The following XKRX variants were observed in gnomAD, a reference collection of about 807,000 sequenced individuals.
XKRX encodes the protein XK related X-linked.
Under a neutral mutation model 22.4 loss-of-function variants are expected in XKRX, and 11 were observed. The ratio of observed to expected loss-of-function variants is 0.49; its 90% CI spans 0.31 to 0.81. The LOEUF (loss-of-function observed/expected upper bound fraction) is 0.81, where lower values mean the gene tolerates loss of function less well. XKRX is among the 40% of genes least tolerant of loss of function. The pLI is 0.05. For missense variants in XKRX, 320 were observed against 336.5 expected (o/e 0.95, Z 0.38); for synonymous variants, 114 against 132.2 (o/e 0.86, Z 0.94).
chrX:100,957,569 C>T, the XKRX span: 43 of 883,877 alleles, frequency 4.9e-5, no homozygotes, highest in African/African-American at 9.8e-5. Context: ...CTGTGTGAAC[C>T]GCAAACCAGC....
chrX:100,958,344 T>C, the XKRX span, among the ~76,000 whole-genome samples: 1 of 112,357 alleles, frequency 8.9e-6, no homozygotes, highest in Non-Finnish European at 1.9e-5. Context: ...AACATTAGTT[T>C]ATGTGCGCCA....
intron 2 of XKRX, among the ~76,000 whole-genome samples, chrX:100,917,876 A>G (rs1190657619): frequency 9.0e-6 from 1 of 111,283 alleles, no homozygotes; most frequent in East Asian, 2.8e-4. Context: ...CTGAGTTTGC[A>G]GCAGAGTAGT....
At chrX:100,940,130 C>T in the XKRX span, among the ~76,000 whole-genome samples, 5 of 111,814 alleles carry the variant, frequency 4.5e-5, no homozygotes, top group Admixed American at 4.8e-4. Flanking sequence ...TTAATACCAA[C>T]ATTTATTGAG....
the XKRX span, among the ~76,000 whole-genome samples, chrX:100,955,663 ACT>A: frequency 9.0e-6 from 1 of 111,301 alleles, no homozygotes; most frequent in Admixed American, 9.6e-5. Flanking sequence ...ACAGAGCAAG[ACT>A]CTGTCTCAAA....
rs915033933 is a variant in XKRX at position 100,928,221 on chromosome X, G to C, written c.84C>G (p.Asn28Lys). ...TGCTAAATGGAAAAGTAAATCGGGGGTTGGCTCCACGGATGACATCTTCCT... is the reference window on the plus strand; with the variant it reads ...TGCTAAATGGAAAAGTAAATCGGGGCTTGGCTCCACGGATGACATCTTCCT... ...SLEEDVIRGA[N>K]PRFTFPFSIL... The change falls in exon 1 of 3, where the codon AAC (asparagine) becomes AAG (lysine). Residue 28 changes from asparagine to lysine, a missense_variant. Coordinates refer to ENST00000372956, the MANE Select transcript of XKRX (RefSeq NM_212559.3). 3 of 1,210,126 alleles carry C rather than the reference G, an allele frequency of 2.5e-6. No homozygotes were observed. The African/African-American group carries it at 5.2e-5, about 21-fold the overall frequency.
upstream of XKRX, among the ~76,000 whole-genome samples, chrX:100,930,325 A>AATGATG (rs57252641): frequency 4.2e-3 from 436 of 103,181 alleles, 7 homozygotes; most frequent in African/African-American, 0.014. Flanking sequence ...TAATAATAAT[A>AATGATG]ATGATGATTA....
At chrX:100,896,786 T>C in the XKRX span, among the ~76,000 whole-genome samples, 3 of 111,601 alleles carry the variant, frequency 2.7e-5, no homozygotes, top group Non-Finnish European at 5.6e-5. Flanking sequence ...GCCGTGATTG[T>C]GCCACTGTAC....
At chrX:100,937,720 G>C in the XKRX span, among the ~76,000 whole-genome samples, 28,534 of 111,201 alleles carry the variant, frequency 0.26, 3,290 homozygotes, top group East Asian at 0.58. Flanking sequence ...TGACACCAAG[G>C]CTCTTGATTT....
chrX:100,945,557 ATT>A, the XKRX span, among the ~76,000 whole-genome samples: 1 of 111,841 alleles, frequency 8.9e-6, no homozygotes, highest in Non-Finnish European at 1.9e-5. Context: ...TGAAGACCAC[ATT>A]TTTATTTTAG....
the XKRX span, among the ~76,000 whole-genome samples, chrX:100,902,822 C>G: frequency 1.8e-5 from 2 of 109,214 alleles, no homozygotes; most frequent in Non-Finnish European, 3.8e-5. Flanking sequence ...GTGATCTCGT[C>G]TCACTGCAAG....
chrX:100,917,682 G>GAAAGAAAGA (rs2085449392), intron 2 of XKRX, among the ~76,000 whole-genome samples: 25 of 85,676 alleles, frequency 2.9e-4, no homozygotes, highest in African/African-American at 1.2e-3. Flanking sequence ...AGAAAAGAAA[G>GAAAGAAAGA]AAAGAAAGAA....
the XKRX span, among the ~76,000 whole-genome samples, chrX:100,941,123 G>C: frequency 2.5e-4 from 28 of 112,001 alleles, no homozygotes; most frequent in African/African-American, 9.1e-4. Context: ...GTATTTAACT[G>C]GTCTCAAGAG....
At chrX:100,952,832 T>C in the XKRX span, among the ~76,000 whole-genome samples, 4 of 112,256 alleles carry the variant, frequency 3.6e-5, no homozygotes, top group Admixed American at 1.9e-4. Flanking sequence ...AGTGTGACTA[T>C]ACAGAGGTAG....
the XKRX span, among the ~76,000 whole-genome samples, chrX:100,941,757 G>A: frequency 3.6e-5 from 4 of 111,753 alleles, no homozygotes; most frequent in African/African-American, 1.3e-4. Flanking sequence ...ATTGCTTCCT[G>A]TGAACTTAAC....
the XKRX span, among the ~76,000 whole-genome samples, chrX:100,906,018 A>G: frequency 8.9e-6 from 1 of 112,243 alleles, no homozygotes; most frequent in African/African-American, 3.2e-5. Context: ...GTTCTATTAA[A>G]TCAATTGTCA....
At chrX:100,956,591 G>A in the XKRX span, 1 of 483,551 alleles carries the variant, frequency 2.1e-6, no homozygotes, top group Non-Finnish European at 3.8e-6. Context: ...GGTTAGACTG[G>A]AGATAAAGGC....
At chrX:100,938,307 A>AC in the XKRX span, among the ~76,000 whole-genome samples, 1 of 111,027 alleles carries the variant, frequency 9.0e-6, no homozygotes, top group East Asian at 2.8e-4. Context: ...GTATAGTACA[A>AC]AGAGCTACAT....
At chrX:100,908,688 G>A (rs1298817074), downstream of XKRX, among the ~76,000 whole-genome samples, 1 of 111,592 alleles carries the variant, frequency 9.0e-6, no homozygotes, top group Non-Finnish European at 1.9e-5. Context: ...CTCTTAAGTA[G>A]GTAAGTATTT....
At chrX:100,893,585 G>C in the XKRX span, among the ~76,000 whole-genome samples, 1 of 112,299 alleles carries the variant, frequency 8.9e-6, no homozygotes, top group Admixed American at 9.5e-5. Context: ...ACAGTTGATT[G>C]GATAAAGAAA....
Sources: allele counts gnomAD v4.1 joint callset (sites outside exome capture counted in the v4.1 genomes callset), GRCh38; gene constraint gnomAD v4.1.1; transcripts MANE v1.5; gene names NCBI Gene and HGNC (gene_info 2026-07-23, HGNC 2026-07-21).